Variants in COX6B2 observed in about 807,000 individuals in gnomAD.
COX6B2 encodes COX VIb-2.
COX6B2 carries 12 observed loss-of-function variants against 13.7 expected under a neutral mutation model. The observed-to-expected ratio is 0.87, with a 90% CI of 0.56 to 1.41. The LOEUF (loss-of-function observed/expected upper bound fraction) is 1.41, where lower values mean the gene tolerates loss of function less well. Ranked by LOEUF, COX6B2 falls within the 40% of genes most tolerant of loss-of-function variation. The probability of loss-of-function intolerance (pLI) is 0.00; values close to 1 mark genes in which losing one functional copy is unlikely to be tolerated. For missense variants in COX6B2, 130 were observed against 118.3 expected, an observed-to-expected ratio of 1.10 and a Z score of -0.46; for synonymous variants, 56 against 46.6, an observed-to-expected ratio of 1.20 and a Z score of -0.82.
At chr19:55,354,568 G>A (rs2123219496) in intron 1 of COX6B2, 29 bp from the exon 2 acceptor site, 2 of 1,411,144 alleles carry the variant, frequency 1.4e-6, no homozygotes, top group East Asian at 2.3e-5. Context: ...CGGGGACTCC[G>A]TGGGGCCGAG....
chr19:55,354,054 C>A, intron 2 of COX6B2, 88 bp from the exon 3 acceptor site: 1 of 1,203,142 alleles, frequency 8.3e-7, no homozygotes, highest in Non-Finnish European at 1.2e-6. Context: ...CAGTTCTTCG[C>A]TGCTTCGTCC....
At position 55,354,669 on chromosome 19, in the gene COX6B2, A is replaced by G; in HGVS notation, c.-38T>C. On this transcript the variant is annotated 5_prime_UTR_variant, in exon 1 of 5. Coordinates refer to ENST00000326529, the MANE Select transcript of COX6B2 (RefSeq NM_144613.5). The stretch of plus-strand genomic sequence containing the variant: ...CCTCACCAGCCTGACGTTGGCGGCC[A>G]CTGGATCTGCTGTGGGATGGTCCCG... The G allele has an allele frequency of 1.6e-6, 1 of 609,218 alleles. No individual in the cohort carries two copies. Among genetic ancestry groups the G allele is most frequent in the Non-Finnish European group, 2.9e-6 (1 of 347,866 alleles). The allele number at this position is 609,218 out of a possible 1,614,324, so 37.7% of individuals were successfully genotyped here. A position where few individuals can be genotyped will look rare whatever the true frequency, so the allele number is the denominator to read the frequency against.
At chr19:55,353,142 A>T (rs1026798867) in intron 4 of COX6B2, 3 of 156,100 alleles carry the variant, frequency 1.9e-5, no homozygotes, top group Admixed American at 6.2e-5. Context: ...AGAGTGGGGG[A>T]GGAAGGGATG....
Position 55,354,669 on chromosome 19 carries a change from A to C in COX6B2, c.-38T>G. 1 of 609,218 alleles carries C rather than the reference A, an allele frequency of 1.6e-6. No individual in the cohort carries two copies. Among genetic ancestry groups the C allele is most frequent in the South Asian group, 1.9e-5 (1 of 51,496 alleles). 37.7% of individuals were successfully genotyped at this position (609,218 alleles called of 1,614,324 possible). ...CCTCACCAGCCTGACGTTGGCGGCCACTGGATCTGCTGTGGGATGGTCCCG... is the reference window on the plus strand; with the variant it reads ...CCTCACCAGCCTGACGTTGGCGGCCCCTGGATCTGCTGTGGGATGGTCCCG... On this transcript the variant is annotated 5_prime_UTR_variant, in exon 1 of 5. Transcript: ENST00000326529.
Position 55,354,652 on chromosome 19 carries a change from G to C in COX6B2, c.-21C>G. 1.5e-6 allele frequency: 1 copy of C among 652,140 alleles called. No homozygotes were observed. Among genetic ancestry groups the C allele is most frequent in the Non-Finnish European group, 2.6e-6 (1 of 379,884 alleles). 40.4% of individuals were successfully genotyped at this position (652,140 alleles called of 1,614,324 possible). On this transcript the variant is annotated splice_region_variant and 5_prime_UTR_variant, in exon 1 of 5. Coordinates refer to ENST00000326529, the MANE Select transcript of COX6B2 (RefSeq NM_144613.5). ...AACCCCACCCGTCGTGCCCTCACCA[G>C]CCTGACGTTGGCGGCCACTGGATCT...
chr19:55,354,670 C>T lies in COX6B2; in HGVS notation c.-39G>A. On this transcript the variant is annotated 5_prime_UTR_variant, in exon 1 of 5. It adds an upstream start codon to the 5' untranslated region. Coordinates refer to ENST00000326529, the MANE Select transcript of COX6B2 (RefSeq NM_144613.5). ...CTCACCAGCCTGACGTTGGCGGCCA[C>T]TGGATCTGCTGTGGGATGGTCCCGG... 1 of 617,748 alleles carries T rather than the reference C, an allele frequency of 1.6e-6. No individual in the cohort carries two copies. Among genetic ancestry groups the T allele is most frequent in the South Asian group, 1.9e-5 (1 of 52,270 alleles). The allele number at this position is 617,748 out of a possible 1,614,324, so 38.3% of individuals were successfully genotyped here.
In COX6B2 at chr19:55,352,022, G is replaced by T; in HGVS notation, c.*115-1222C>A. ...AAAATGGGTTCTAGACACGGCTCTG[G>T]GGAGGTCAGGAGGCTGCTGTGGCTG... On this transcript the variant is annotated intron_variant, in intron 4 of 4. Transcript: ENST00000326529. This position sits in a 1 kb window ranked among gnomAD's most constrained non-coding sequence, Gnocchi z 6.2. 6.5e-6 allele frequency: 1 copy of T among 153,050 alleles called. No homozygotes were observed. 9.5% of individuals were successfully genotyped at this position (153,050 alleles called of 1,614,324 possible).
intron 4 of COX6B2, among the ~76,000 whole-genome samples, chr19:55,351,161 G>C (rs1187697288): frequency 1.3e-5 from 2 of 152,186 alleles, no homozygotes; most frequent in Non-Finnish European, 2.9e-5. Flanking sequence ...GAAGAGGGGG[G>C]CCAGACACTG....
In COX6B2 at chr19:55,353,691, G is replaced by A; in HGVS notation, c.*30C>T. The A allele has an allele frequency of 6.2e-7, 1 of 1,601,732 alleles. No individual in the cohort carries two copies. Among genetic ancestry groups the A allele is most frequent in the Non-Finnish European group, 8.5e-7 (1 of 1,173,688 alleles). On this transcript the variant is annotated 3_prime_UTR_variant, in exon 4 of 5. Transcript: ENST00000326529. ...CGAGACAAAAAGATGCAGGATCACT[G>A]CATCTTCAGAGGAAGCCGCGCTGGG...
rs2089689745 is a variant in COX6B2, at chr19:55,354,017, C to T, written c.113-51G>A. On this transcript the variant is annotated intron_variant, in intron 2 of 4. Transcript: ENST00000326529. ...AAGCCACGCCCATTCCAGGACAGGA[C>T]CCGCCCCTCCACTGCTCGGGCCCTC... 2.8e-6 allele frequency: 4 copies of T among 1,434,684 alleles called. 1 individual carries two copies. The highest frequency in any genetic ancestry group is 2.7e-5 in the South Asian group (2 of 73,854). 88.9% of individuals were successfully genotyped at this position (1,434,684 alleles called of 1,614,324 possible).
Position 55,353,640 on chromosome 19 carries a change from G to C in COX6B2, c.*81C>G. The C allele has an allele frequency of 7.5e-7, 1 of 1,341,594 alleles. No homozygotes were observed. The allele number at this position is 1,341,594 out of a possible 1,614,324, so 83.1% of individuals were successfully genotyped here. A position where few individuals can be genotyped will look rare whatever the true frequency, so the allele number is the denominator to read the frequency against. Reference sequence around the variant, plus strand: ...GTGGCTTAGACACTGGGAGGTAGGGGTGGATAACCGAGACCCGGGGCTCCG... The same window carrying C: ...GTGGCTTAGACACTGGGAGGTAGGGCTGGATAACCGAGACCCGGGGCTCCG... On this transcript the variant is annotated 3_prime_UTR_variant, in exon 4 of 5. Coordinates refer to ENST00000326529, the MANE Select transcript of COX6B2 (RefSeq NM_144613.5).
intron 2 of COX6B2, 82 bp downstream of exon 2, chr19:55,354,328 C>G (rs2089693473): frequency 2.4e-6 from 3 of 1,226,574 alleles, no homozygotes; most frequent in African/African-American, 1.6e-5. Context: ...ACGGTCTCCG[C>G]GGGACTTAGG....
Position 55,354,493 on chromosome 19 carries a change from G to C in COX6B2, c.29C>G (p.Pro10Arg), listed in dbSNP as rs375376285. Residue 10 changes from proline to arginine, a missense_variant, in exon 2 of 5, where the codon CCC becomes CGC. Physicochemically the swap from Pro to Arg is moderately radical, Grantham distance 103 (BLOSUM62 -2). Coordinates refer to ENST00000326529, the MANE Select transcript of COX6B2 (RefSeq NM_144613.5). ...GGGCGGCGTCGACCATTTCCCCTTG[G>C]GGGGCTCCTGGGCTTCCACATCCAA... is the stretch of plus-strand genomic sequence containing the variant. Reference protein sequence around the residue: MLDVEAQEPPKGKWSTPPFD... With the variant: MLDVEAQEPRKGKWSTPPFD... 14 of 1,613,242 alleles carry C rather than the reference G, an allele frequency of 8.7e-6. No homozygotes were observed. The highest frequency in any genetic ancestry group is 6.6e-5 in the South Asian group (6 of 91,054).
Position 55,352,219 on chromosome 19 carries a change from A to G in COX6B2, c.*114+1388T>C, listed in dbSNP as rs1385229513. 6.6e-6 allele frequency: 1 copy of G among 152,130 alleles called. No individual in the cohort carries two copies. The highest frequency in any genetic ancestry group is 2.4e-5 in the African/African-American group (1 of 41,408). The allele number at this position is 152,130 out of a possible 1,614,324, so 9.4% of individuals were successfully genotyped here. On this transcript the variant is annotated intron_variant, in intron 4 of 4. Transcript: ENST00000326529. The surrounding 1 kb of genome is among the most constrained non-coding windows in gnomAD (Gnocchi z 6.2). ...AGGAAGCCCTCCTGTAGTTGAGTCC[A>G]CACCCTGTGCCCTCACCCCATTCTT...
chr19:55,351,859 C>T (rs568998177), intron 4 of COX6B2: 26 of 152,676 alleles, frequency 1.7e-4, no homozygotes, highest in African/African-American at 5.8e-4. Context: ...CTGCCCCTGC[C>T]CCTGGCTCAG....
chr19:55,354,031 G>A, intron 2 of COX6B2, 65 bp from the exon 3 acceptor site: 2 of 1,367,304 alleles, frequency 1.5e-6, no homozygotes, highest in Non-Finnish European at 1.0e-6. Context: ...CCCCTCCACT[G>A]CTCGGGCCCT....
In COX6B2 at chr19:55,349,998, A is replaced by C. The variant is rs1291778564; in HGVS notation, c.*917T>G. The C allele has an allele frequency of 6.6e-6, 1 of 152,202 alleles. No individual in the cohort carries two copies. Among genetic ancestry groups the C allele is most frequent in the African/African-American group, 2.4e-5 (1 of 41,442 alleles). The allele number at this position is 152,202 out of a possible 1,614,324, so 9.4% of individuals were successfully genotyped here. On this transcript the variant is annotated 3_prime_UTR_variant, in exon 5 of 5. Transcript: ENST00000326529. The stretch of plus-strand genomic sequence containing the variant: ...CAAAATAAGCTGGGCGTGGTGGTGC[A>C]TGCCTGTAATCCCAGCTACTCGGGA...
At chr19:55,354,258 C>T (rs1395612221) in intron 2 of COX6B2, 152 bp downstream of exon 2, 1 of 720,044 alleles carries the variant, frequency 1.4e-6, no homozygotes, top group Non-Finnish European at 2.4e-6. Context: ...GGCTCAGCCC[C>T]GCCTTTTCTC....
chr19:55,352,906 A>G lies in COX6B2; in HGVS notation c.*114+701T>C, dbSNP rs1295689444. On this transcript the variant is annotated intron_variant, in intron 4 of 4. Transcript: ENST00000326529. The surrounding 1 kb of genome is among the most constrained non-coding windows in gnomAD (Gnocchi z 6.2). ...AAATTGCGGCGATGTGTGCGGTGGG[A>G]GAGACTGACAGCGGCCTCTGCGGGG... 1 of 152,430 alleles carries G rather than the reference A, an allele frequency of 6.6e-6. No homozygotes were observed. Among genetic ancestry groups the G allele is most frequent in the Non-Finnish European group, 1.5e-5 (1 of 68,204 alleles). 9.4% of individuals were successfully genotyped at this position (152,430 alleles called of 1,614,324 possible).
Sources: gnomAD v4.1 joint callset for allele counts (sites outside exome capture counted in the v4.1 genomes callset) on GRCh38, gnomAD v4.1.1 for gene constraint, Gnocchi (gnomAD v3.1) non-coding constraint, MANE v1.5 for transcripts, NCBI Gene and HGNC (gene_info 2026-07-23, HGNC 2026-07-21) for gene names.